The following ARL3 variants were observed in gnomAD, a reference collection of about 807,000 sequenced individuals.
ARL3 encodes the protein ARF like GTPase 3, also known as ADP-ribosylation factor-like protein 3.
A neutral mutation model predicts 26.0 loss-of-function variants in ARL3; 9 were observed. The ratio of observed to expected loss-of-function variants is 0.35; its 90% CI spans 0.21 to 0.60. The LOEUF (loss-of-function observed/expected upper bound fraction) is 0.60, where lower values mean the gene tolerates loss of function less well. ARL3 is among the 20% of genes least tolerant of loss of function. The probability of loss-of-function intolerance (pLI) is 0.78; values close to 1 mark genes in which losing one functional copy is unlikely to be tolerated. For synonymous variants in ARL3, 71 were observed against 78.4 expected, an observed-to-expected ratio of 0.91 and a Z score of 0.50; for missense variants, 158 against 215.7, an observed-to-expected ratio of 0.73 and a Z score of 1.67.
chr10:102,696,766 T>C (rs184600070), intron 3 of ARL3, among the ~76,000 whole-genome samples: 4 of 152,222 alleles, frequency 2.6e-5, no homozygotes, highest in African/African-American at 9.6e-5. Context: ...GAGAAGACTG[T>C]GGGAAGAGTA....
rs1414765089 is a variant in ARL3, at chr10:102,705,437, C to T, written c.56G>A (p.Arg19Lys). The T allele has an allele frequency of 6.2e-7, 1 of 1,611,178 alleles. No homozygotes were observed. The highest frequency in any genetic ancestry group is 8.5e-7 in the Non-Finnish European group (1 of 1,177,718). ...ATTATCCAAGCCCAGGAGAAGTATTCTCACCTCCTGGTCTGGTGCACTTTT... is the reference window on the plus strand; with the variant it reads ...ATTATCCAAGCCCAGGAGAAGTATTTTCACCTCCTGGTCTGGTGCACTTTT... Reference protein sequence around the residue: ...KLKSAPDQEVRILLLGLDNAG... With the variant: ...KLKSAPDQEVKILLLGLDNAG... Residue 19 changes from arginine (R) to lysine (K), a missense_variant, in exon 2 of 6, where the codon AGA (arginine) becomes AAA (lysine). Arg to Lys is a conservative substitution (Grantham distance 26, BLOSUM62 2). Coordinates refer to ENST00000260746, the MANE Select transcript of ARL3 (RefSeq NM_004311.4).
Position 102,709,787 on chromosome 10 carries a change from C to T in ARL3, c.4-4298G>A, listed in dbSNP as rs184137981. ...GTGGCTCATGCCTGTAATCCCAGCA[C>T]TTCGGGAGGCTGAGGCTGGCGGATC... On this transcript the variant is annotated intron_variant, in intron 1 of 5. Coordinates refer to ENST00000260746, the MANE Select transcript of ARL3 (RefSeq NM_004311.4). 2.5e-3 allele frequency among the ~76,000 whole-genome samples: 374 copies of T among 152,138 alleles called. 1 individual carries two copies. Among genetic ancestry groups the T allele is most frequent in the African/African-American group, 8.7e-3 (362 of 41,504 alleles).
intron 2 of ARL3, 111 bp from the exon 3 acceptor site, chr10:102,699,600 G>T: frequency 1.6e-6 from 1 of 620,396 alleles, no homozygotes; most frequent in Non-Finnish European, 2.9e-6. Flanking sequence ...TCTGCCATAT[G>T]TGATACTGGT....
intron 3 of ARL3, among the ~76,000 whole-genome samples, chr10:102,694,352 GTATC>G (rs2064236377): frequency 6.6e-6 from 1 of 152,114 alleles, no homozygotes; most frequent in Admixed American, 6.5e-5. Context: ...TGCTTTTTGT[GTATC>G]TAAAACCTCA....
At chr10:102,686,866 CTTTTTTTTTTT>C (rs59400726) in intron 4 of ARL3, among the ~76,000 whole-genome samples, 8 of 59,658 alleles carry the variant, frequency 1.3e-4, no homozygotes, top group Admixed American at 1.3e-3. Flanking sequence ...CAGGAATTTA[CTTTTTTTTTTT>C]TTTTTTTTTT....
At position 102,689,899 on chromosome 10, in the gene ARL3, C is replaced by T. The variant is rs576741297; in HGVS notation, c.309G>A (p.Thr103=). 18 of 1,591,224 alleles carry T rather than the reference C, an allele frequency of 1.1e-5. No individual in the cohort carries two copies. Among genetic ancestry groups the T allele is most frequent in the East Asian group, 8.9e-5 (4 of 44,698 alleles). ...DSADRKRFEE[T]GQELAELLEE... ...ATAAAAAAGAATTATTTACCTGACCCGTCTCTTCAAATCTTTTTCTGTCTG... is the reference window on the plus strand; with the variant it reads ...ATAAAAAAGAATTATTTACCTGACCTGTCTCTTCAAATCTTTTTCTGTCTG... Residue 103 remains threonine (T), a synonymous_variant, in exon 4 of 6, where the codon ACG becomes ACA. Coordinates refer to ENST00000260746, the MANE Select transcript of ARL3 (RefSeq NM_004311.4).
At chr10:102,697,265 C>T (rs1211963469) in intron 3 of ARL3, among the ~76,000 whole-genome samples, 1 of 151,918 alleles carries the variant, frequency 6.6e-6, no homozygotes, top group Non-Finnish European at 1.5e-5. Context: ...CCGCAATCTC[C>T]ACCTCCTGGG....
intron 3 of ARL3, among the ~76,000 whole-genome samples, chr10:102,696,893 G>T (rs573336799): frequency 6.6e-6 from 1 of 152,186 alleles, no homozygotes; most frequent in Non-Finnish European, 1.5e-5. Flanking sequence ...ATAGTCATGT[G>T]TTGCTTAATG....
At chr10:102,698,938 G>A (rs577417080) in intron 3 of ARL3, among the ~76,000 whole-genome samples, 1 of 152,264 alleles carries the variant, frequency 6.6e-6, no homozygotes, top group South Asian at 2.1e-4. Flanking sequence ...ACAGTTCCCA[G>A]TGTTCTCTTT....
chr10:102,689,306 C>G (rs748592959), intron 4 of ARL3, among the ~76,000 whole-genome samples: 7 of 151,862 alleles, frequency 4.6e-5, no homozygotes, highest in Non-Finnish European at 8.8e-5. Flanking sequence ...GCCTGGGTGA[C>G]AAGAGTGAAA....
At chr10:102,713,841 G>C (rs562382334) in intron 1 of ARL3, among the ~76,000 whole-genome samples, 1 of 152,218 alleles carries the variant, frequency 6.6e-6, no homozygotes, top group African/African-American at 2.4e-5. Flanking sequence ...AATGGGGCCG[G>C]CCTTCTCTCC....
chr10:102,700,665 C>T (rs550110359), intron 2 of ARL3, among the ~76,000 whole-genome samples: 40 of 151,010 alleles, frequency 2.6e-4, no homozygotes, highest in African/African-American at 9.5e-4. Context: ...AGGGTTTCAC[C>T]ATATTGGTCA....
At chr10:102,681,234 T>A (rs1403393817) in intron 5 of ARL3, among the ~76,000 whole-genome samples, 18 of 150,972 alleles carry the variant, frequency 1.2e-4, no homozygotes, top group African/African-American at 4.4e-4. Context: ...CTAAAAAAAA[T>A]ACAAAAAATT....
chr10:102,701,414 C>T (rs1488324610), intron 2 of ARL3, among the ~76,000 whole-genome samples: 1 of 152,186 alleles, frequency 6.6e-6, no homozygotes, highest in Admixed American at 6.5e-5. Context: ...AATATTGCCA[C>T]CCAATTTCCA....
chr10:102,690,699 G>A (rs909603604), intron 3 of ARL3, among the ~76,000 whole-genome samples: 1 of 152,026 alleles, frequency 6.6e-6, no homozygotes, highest in Non-Finnish European at 1.5e-5. Flanking sequence ...TCTGTCAAAA[G>A]GCTGTTATTA....
intron 4 of ARL3, among the ~76,000 whole-genome samples, chr10:102,687,214 T>C (rs933246384): frequency 3.3e-5 from 5 of 151,430 alleles, no homozygotes; most frequent in Admixed American, 3.3e-4. Flanking sequence ...CCTGAAGTGA[T>C]TCCGCTACAG....
At chr10:102,679,975 G>C (rs543411190) in intron 5 of ARL3, among the ~76,000 whole-genome samples, 1 of 151,882 alleles carries the variant, frequency 6.6e-6, no homozygotes, top group Non-Finnish European at 1.5e-5. Flanking sequence ...TTTTTGAGAC[G>C]GAGTCTTGCT....
Position 102,685,799 on chromosome 10 carries a change from C to G in ARL3, c.501+17G>C, listed in dbSNP as rs2064181047. 5 of 1,585,408 alleles carry G rather than the reference C, an allele frequency of 3.2e-6. No homozygotes were observed. The highest frequency in any genetic ancestry group is 1.4e-5 in the African/African-American group (1 of 74,022). On this transcript the variant is annotated intron_variant, in intron 5 of 5. Transcript: ENST00000260746. ...GCTGTCATGTTGCCAGGTGGCCAAG[C>G]CTTCCTGTAATCTCACCTGAACGCC...
At chr10:102,712,006 A>G (rs1391003687) in intron 1 of ARL3, among the ~76,000 whole-genome samples, 1 of 152,196 alleles carries the variant, frequency 6.6e-6, no homozygotes, top group Non-Finnish European at 1.5e-5. Flanking sequence ...AGCTCCATAT[A>G]TGTAGAAAGT....
Sources: allele counts gnomAD v4.1 joint callset (sites outside exome capture counted in the v4.1 genomes callset), GRCh38; gene constraint gnomAD v4.1.1; transcripts MANE v1.5; gene names NCBI Gene and HGNC (gene_info 2026-07-23, HGNC 2026-07-21).